The following WDR3 variants were observed in gnomAD, a reference collection of about 807,000 sequenced individuals.
WDR3 encodes the protein WD repeat domain 3, also known as WD repeat-containing protein 3.
WDR3 carries 81 observed loss-of-function variants against 123.7 expected under a neutral mutation model. The ratio of observed to expected loss-of-function variants is 0.65; its 90% CI spans 0.55 to 0.79. The LOEUF is 0.79. WDR3 is among the 30% of genes least tolerant of loss of function. The pLI, the probability that WDR3 is intolerant of heterozygous loss-of-function variation, is 0.00. For missense variants in WDR3, 1,027 were observed against 1,123.2 expected (o/e 0.91, Z 1.22); for synonymous variants, 390 against 388.8 (o/e 1.00, Z -0.04).
At position 117,946,135 on chromosome 1, in the gene WDR3, T is replaced by C; in HGVS notation, c.1378T>C (p.Ser460Pro). The change falls in exon 12 of 27, where the codon TCA becomes CCA. Residue 460 changes from serine to proline, a missense_variant. Coordinates refer to ENST00000349139, the MANE Select transcript of WDR3 (RefSeq NM_006784.3). ...AATGACCTGTGAATATGCACTTTGC[T>C]CATTCTTTGTACCTGGTGATAGACA... ...RTMTCEYALC[S>P]FFVPGDRQVV... The C allele has an allele frequency of 1.2e-6, 2 of 1,613,414 alleles. No individual in the cohort carries two copies. The highest frequency in any genetic ancestry group is 1.7e-6 in the Non-Finnish European group (2 of 1,179,576).
intron 22 of WDR3, 107 bp from the exon 23 acceptor site, chr1:117,954,473 C>T: frequency 1.8e-6 from 2 of 1,142,000 alleles, no homozygotes; most frequent in Non-Finnish European, 2.5e-6. Context: ...TTTAGGGTCT[C>T]TTTTTTCCCT....
chr1:117,939,348 G>T (rs375953464), intron 5 of WDR3, 129 bp from the exon 6 acceptor site: 2 of 873,544 alleles, frequency 2.3e-6, no homozygotes, highest in Non-Finnish European at 3.6e-6. Flanking sequence ...AAGGGTTGTC[G>T]ATATGCCTTT....
At chr1:117,957,749 G>A (rs961482494) in intron 25 of WDR3, among the ~76,000 whole-genome samples, 2 of 152,150 alleles carry the variant, frequency 1.3e-5, no homozygotes, top group African/African-American at 4.8e-5. Flanking sequence ...TGTGTGGCCC[G>A]AGACGGTTCT....
rs1232517515 is a variant in WDR3 at position 117,958,761 on chromosome 1, CTTT to C, written c.2583-148_2583-146del. ...AACTGAATAGTAGAGAAAGAAACTT[CTTT>C]GGCTTTTTTTTTTTTTTTTGCTCGA... On this transcript the variant is annotated intron_variant, in intron 25 of 26. Transcript: ENST00000349139. 13 of 579,978 alleles carry C rather than the reference CTTT, an allele frequency of 2.2e-5. No homozygotes were observed. In the African/African-American group the frequency reaches 2.7e-4, roughly 12 times the overall value. The allele number at this position is 579,978 out of a possible 1,614,324, so 35.9% of individuals were successfully genotyped here. A position where few individuals can be genotyped will look rare whatever the true frequency, so the allele number is the denominator to read the frequency against.
rs550458923 is a variant in WDR3 at position 117,965,039 on chromosome 1, A to G, written c.*5592A>G. The G allele has an allele frequency of 2.5e-4, 38 of 152,282 alleles. No individual in the cohort carries two copies. The highest frequency in any genetic ancestry group is 1.6e-3 in the Admixed American group (24 of 15,296). The allele number at this position is 152,282 out of a possible 1,614,324, so 9.4% of individuals were successfully genotyped here. A position where few individuals can be genotyped will look rare whatever the true frequency, so the allele number is the denominator to read the frequency against. On this transcript the variant is annotated 3_prime_UTR_variant, in exon 27 of 27. Coordinates refer to ENST00000349139, the MANE Select transcript of WDR3 (RefSeq NM_006784.3). ...ACATTAAACTGAAAATCCTTCCTAT[A>G]TTCTGTTGCATCCTTGAGTAACATA...
rs1438440208 is a variant in WDR3, at chr1:117,952,401, C to T, written c.2009C>T (p.Thr670Ile). ...GCAGACAAATTTGAACACATACAGACTCTGGAGGTAACCACATGCCTTCTG... is the reference window on the plus strand; with the variant it reads ...GCAGACAAATTTGAACACATACAGATTCTGGAGGTAACCACATGCCTTCTG... Reference protein sequence around the residue: ...WDADKFEHIQTLEGHHQEIWC... With the variant: ...WDADKFEHIQILEGHHQEIWC... The change falls in exon 18 of 27, where the codon ACT (threonine) becomes ATT (isoleucine). Residue 670 changes from threonine to isoleucine, a missense_variant. Coordinates refer to ENST00000349139, the MANE Select transcript of WDR3 (RefSeq NM_006784.3). 6.8e-6 allele frequency: 11 copies of T among 1,611,040 alleles called. No homozygotes were observed. Among genetic ancestry groups the T allele is most frequent in the Admixed American group, 1.7e-5 (1 of 59,620 alleles).
chr1:117,947,922 TAGGTA>T (rs2101214181), intron 12 of WDR3, among the ~76,000 whole-genome samples: 1 of 152,304 alleles, frequency 6.6e-6, no homozygotes, highest in Non-Finnish European at 1.5e-5. Flanking sequence ...CTTAGTGCTG[TAGGTA>T]GATCCCATTT....
At chr1:117,940,299 T>C (rs1651096074) in intron 6 of WDR3, among the ~76,000 whole-genome samples, 1 of 152,296 alleles carries the variant, frequency 6.6e-6, no homozygotes, top group East Asian at 1.9e-4. Context: ...AATATTTTGT[T>C]TGTATATTAT....
rs1453360548 is a variant in WDR3, at chr1:117,966,479, C to T, written c.*7032C>T. 1 of 955,752 alleles carries T rather than the reference C, an allele frequency of 1.0e-6. No individual in the cohort carries two copies. Among genetic ancestry groups the T allele is most frequent in the African/African-American group, 1.7e-5 (1 of 60,082 alleles). The allele number at this position is 955,752 out of a possible 1,614,324, so 59.2% of individuals were successfully genotyped here. A position where few individuals can be genotyped will look rare whatever the true frequency, so the allele number is the denominator to read the frequency against. Reference sequence around the variant, plus strand: ...AAAGATGAATGAAGATGCTCTTTGTCTTAATAAATTTAACTCTGATTTTGA... The same window carrying T: ...AAAGATGAATGAAGATGCTCTTTGTTTTAATAAATTTAACTCTGATTTTGA... On this transcript the variant is annotated 3_prime_UTR_variant, in exon 27 of 27. Transcript: ENST00000349139.
intron 24 of WDR3, 134 bp downstream of exon 24, chr1:117,955,492 A>C: frequency 1.3e-6 from 1 of 771,778 alleles, no homozygotes; most frequent in South Asian, 2.4e-5. Context: ...GTTTTGATGG[A>C]AAATAATTTA....
intron 4 of WDR3, among the ~76,000 whole-genome samples, chr1:117,937,860 C>T (rs1166261322): frequency 2.6e-5 from 4 of 152,142 alleles, no homozygotes; most frequent in Non-Finnish European, 5.9e-5. Context: ...TTTGAGACTG[C>T]TGCCAATGAG....
intron 1 of WDR3, among the ~76,000 whole-genome samples, chr1:117,931,684 T>C (rs1233033351): frequency 6.6e-6 from 1 of 151,636 alleles, no homozygotes; most frequent in Admixed American, 6.6e-5. Flanking sequence ...TAGAAGGAGG[T>C]GGTAGATGGC....
chr1:117,930,999 G>A (rs1650694692), intron 1 of WDR3, among the ~76,000 whole-genome samples: 1 of 152,222 alleles, frequency 6.6e-6, no homozygotes, highest in African/African-American at 2.4e-5. Flanking sequence ...CCAGGCTGGA[G>A]TGCAGTGGCG....
At chr1:117,958,563 T>C (rs1021798779) in intron 25 of WDR3, among the ~76,000 whole-genome samples, 8 of 152,138 alleles carry the variant, frequency 5.3e-5, no homozygotes, top group African/African-American at 1.9e-4. Context: ...TAATGCATCT[T>C]TGTTAAGTTA....
rs1484078327 is a variant in WDR3 at position 117,962,451 on chromosome 1, A to G, written c.*3004A>G. Reference sequence around the variant, plus strand: ...ATTGTGAAGTAAGTTACCTATAGAAATTCTGTAGTACCATAAAGAAAAGCC... The same window carrying G: ...ATTGTGAAGTAAGTTACCTATAGAAGTTCTGTAGTACCATAAAGAAAAGCC... On this transcript the variant is annotated 3_prime_UTR_variant, in exon 27 of 27. Transcript: ENST00000349139. 6.6e-6 allele frequency: 1 copy of G among 152,000 alleles called. No homozygotes were observed. The highest frequency in any genetic ancestry group is 1.9e-4 in the East Asian group (1 of 5,170). The allele number at this position is 152,000 out of a possible 1,614,324, so 9.4% of individuals were successfully genotyped here. A position where few individuals can be genotyped will look rare whatever the true frequency, so the allele number is the denominator to read the frequency against.
At chr1:117,952,855 G>A in intron 19 of WDR3, 91 bp from the exon 20 acceptor site, 1 of 1,508,382 alleles carries the variant, frequency 6.6e-7, no homozygotes, top group Non-Finnish European at 9.1e-7. Flanking sequence ...GTATTATGTT[G>A]TCAAAGGAGC....
At chr1:117,944,904 G>C (rs1651314060) in intron 11 of WDR3, among the ~76,000 whole-genome samples, 1 of 151,992 alleles carries the variant, frequency 6.6e-6, no homozygotes. Flanking sequence ...GTTTTACCAT[G>C]TTGGCCTCAA....
At position 117,943,674 on chromosome 1, in the gene WDR3, T is replaced by C. The variant is rs78938132; in HGVS notation, c.1328+48T>C. 3,297 of 1,560,750 alleles carry C rather than the reference T, an allele frequency of 2.1e-3. 64 individuals are homozygous for C. The African/African-American group carries it at 0.04, about 19-fold the overall frequency. Reference sequence around the variant, plus strand: ...TAGCTGTAGTTAGTAGTATTTCTTTTAATTTTTTTTGGTACTCTTAAGGGT... The same window carrying C: ...TAGCTGTAGTTAGTAGTATTTCTTTCAATTTTTTTTGGTACTCTTAAGGGT... On this transcript the variant is annotated intron_variant, in intron 11 of 26. Coordinates refer to ENST00000349139, the MANE Select transcript of WDR3 (RefSeq NM_006784.3).
chr1:117,933,950 G>A (rs1650828041), intron 2 of WDR3, among the ~76,000 whole-genome samples: 1 of 152,152 alleles, frequency 6.6e-6, no homozygotes, highest in South Asian at 2.1e-4. Flanking sequence ...AATTCCCTAA[G>A]CCTACCACTT....
Sources: allele counts gnomAD v4.1 joint callset (sites outside exome capture counted in the v4.1 genomes callset), GRCh38; gene constraint gnomAD v4.1.1; transcripts MANE v1.5; gene names NCBI Gene and HGNC (gene_info 2026-07-23, HGNC 2026-07-21).